Variants in ZHX2 observed in about 807,000 individuals in gnomAD.
ZHX2 encodes zinc fingers and homeoboxes protein 2.
ZHX2 carries 6 observed loss-of-function variants against 21.9 expected under a neutral mutation model. The ratio of observed to expected loss-of-function variants is 0.27; its 90% CI spans 0.15 to 0.54. The LOEUF is 0.54. Among genes scored for constraint, ZHX2 ranks in the 20% least tolerant of loss-of-function variants. The pLI is 0.95. For synonymous variants in ZHX2, 434 were observed against 437.1 expected, an observed-to-expected ratio of 0.99 and a Z score of 0.09; for missense variants, 908 against 1,090.7, an observed-to-expected ratio of 0.83 and a Z score of 2.36.
chr8:122,858,182 C>T (rs563187096), intron 1 of ZHX2, among the ~76,000 whole-genome samples: 1 of 152,330 alleles, frequency 6.6e-6, no homozygotes, highest in South Asian at 2.1e-4. Flanking sequence ...GGGTTGGCTT[C>T]TCTGTCTCTC....
chr8:122,792,338 T>A (rs1817532917), intron 1 of ZHX2, among the ~76,000 whole-genome samples: 1 of 152,276 alleles, frequency 6.6e-6, no homozygotes, highest in South Asian at 2.1e-4. Flanking sequence ...TATCCTGTTG[T>A]GTGGATATAC....
chr8:122,841,518 TACATACAGGGC>T (rs936004904), intron 1 of ZHX2, among the ~76,000 whole-genome samples: 1 of 151,212 alleles, frequency 6.6e-6, no homozygotes, highest in Non-Finnish European at 1.5e-5. Flanking sequence ...AGAGTTCTTG[TACATACAGGGC>T]ACTTGGAGGG....
intron 2 of ZHX2, among the ~76,000 whole-genome samples, chr8:122,863,983 G>C (rs553176851): frequency 6.6e-6 from 1 of 152,056 alleles, no homozygotes; most frequent in Admixed American, 6.6e-5. Context: ...TTGAAAAACT[G>C]TCATGAGCAG....
intron 2 of ZHX2, among the ~76,000 whole-genome samples, chr8:122,931,741 T>A (rs1460574349): frequency 6.6e-6 from 1 of 152,200 alleles, no homozygotes; most frequent in Non-Finnish European, 1.5e-5. Flanking sequence ...CTGATGTAAC[T>A]GGTCTAGGAT....
chr8:122,820,019 C>T (rs1287714355), intron 1 of ZHX2, among the ~76,000 whole-genome samples: 5 of 151,984 alleles, frequency 3.3e-5, no homozygotes, highest in Non-Finnish European at 7.4e-5. Flanking sequence ...CAGGGGTTGG[C>T]GAGACTGCCA....
chr8:122,843,582 T>C (rs1402686348), intron 1 of ZHX2, among the ~76,000 whole-genome samples: 2 of 152,226 alleles, frequency 1.3e-5, no homozygotes, highest in South Asian at 4.1e-4. Flanking sequence ...TTGTTGCATC[T>C]ATAGCATTCT....
chr8:122,840,490 C>T (rs1311844786), intron 1 of ZHX2, among the ~76,000 whole-genome samples: 3 of 152,168 alleles, frequency 2.0e-5, no homozygotes, highest in Non-Finnish European at 2.9e-5. Flanking sequence ...GAAGATTAAC[C>T]ATTGTGATGA....
At chr8:122,909,156 C>T (rs1339596530) in intron 2 of ZHX2, among the ~76,000 whole-genome samples, 16 of 152,210 alleles carry the variant, frequency 1.1e-4, no homozygotes, top group Admixed American at 6.5e-5. Context: ...GTGGGCCAGG[C>T]GCGTTGGCTC....
At chr8:122,874,845 C>G (rs1819525615) in intron 2 of ZHX2, among the ~76,000 whole-genome samples, 2 of 151,970 alleles carry the variant, frequency 1.3e-5, no homozygotes, top group African/African-American at 2.4e-5. Context: ...AATGGAGATA[C>G]TTTTCTACAT....
rs547211834 is a variant in ZHX2, at chr8:122,939,598, A to G, written c.-219-11694A>G. Among the ~76,000 whole-genome samples, 13 of 152,310 alleles carry G rather than the reference A, an allele frequency of 8.5e-5. No individual in the cohort carries two copies. In the South Asian group the frequency reaches 2.7e-3, roughly 32 times the overall value. On this transcript the variant is annotated intron_variant, in intron 2 of 3. Coordinates refer to ENST00000314393, the MANE Select transcript of ZHX2 (RefSeq NM_014943.5). ...ACAGGGAGACCAACTACCTCCTCCT[A>G]ACCAACTGGAAAGCAAAGAGATGCT... is the stretch of plus-strand genomic sequence containing the variant.
intron 2 of ZHX2, among the ~76,000 whole-genome samples, chr8:122,864,189 T>A (rs1028141056): frequency 2.4e-4 from 36 of 148,646 alleles, no homozygotes; most frequent in African/African-American, 9.0e-4. Flanking sequence ...TCCCTGGTGA[T>A]CTAGAATGCT....
intron 1 of ZHX2, among the ~76,000 whole-genome samples, chr8:122,857,675 T>C (rs573279300): frequency 3.9e-5 from 6 of 152,150 alleles, no homozygotes; most frequent in African/African-American, 1.4e-4. Context: ...TGAAGAGTCA[T>C]TGTGGGGAAG....
chr8:122,953,525 T>C lies in ZHX2; in HGVS notation c.2015T>C (p.Ile672Thr). The change falls in exon 3 of 4, where the codon ATT becomes ACT. Residue 672 changes from isoleucine (I) to threonine (T), a missense_variant. By Grantham distance (89) the Ile-to-Thr change is moderately conservative. Around this residue, in one of 4 missense-constraint regions of ZHX2, gnomAD observed 431 missense variants for 428.6 expected, o/e 1.01. Coordinates refer to ENST00000314393, the MANE Select transcript of ZHX2 (RefSeq NM_014943.5). The surrounding 1 kb of genome is among the most constrained non-coding windows in gnomAD (Gnocchi z 4.6). ...AAKTGLVRTE[I>T]VRWFKENRCL... ...AAGACTGGCCTGGTCCGAACTGAGA[T>C]TGTGCGTTGGTTCAAGGAGAACAGA... is the stretch of plus-strand genomic sequence containing the variant. 9 of 1,614,140 alleles carry C rather than the reference T, an allele frequency of 5.6e-6. No homozygotes were observed. Among genetic ancestry groups the C allele is most frequent in the Non-Finnish European group, 7.6e-6 (9 of 1,180,036 alleles).
chr8:122,837,700 C>T (rs1818534461), intron 1 of ZHX2, among the ~76,000 whole-genome samples: 1 of 152,112 alleles, frequency 6.6e-6, no homozygotes, highest in Non-Finnish European at 1.5e-5. Context: ...CATTTCAGTC[C>T]CTTGGGGTGG....
chr8:122,796,807 A>G (rs1817621289), intron 1 of ZHX2, among the ~76,000 whole-genome samples: 1 of 152,180 alleles, frequency 6.6e-6, no homozygotes, highest in South Asian at 2.1e-4. Context: ...TAGTGACAAG[A>G]CAAAGAAGAG....
chr8:122,801,610 G>A (rs1817721868), intron 1 of ZHX2, among the ~76,000 whole-genome samples: 1 of 151,050 alleles, frequency 6.6e-6, no homozygotes, highest in Admixed American at 6.6e-5. Flanking sequence ...AAATTGCCAG[G>A]CTTGGTAGCA....
intron 1 of ZHX2, among the ~76,000 whole-genome samples, chr8:122,795,069 T>C (rs564529697): frequency 6.6e-6 from 1 of 152,350 alleles, no homozygotes; most frequent in Admixed American, 6.5e-5. Flanking sequence ...AGCACAGGGC[T>C]GGCCCACTTC....
chr8:122,833,972 G>T (rs1818442870), intron 1 of ZHX2, among the ~76,000 whole-genome samples: 1 of 150,768 alleles, frequency 6.6e-6, no homozygotes, highest in African/African-American at 2.4e-5. Flanking sequence ...ACTCCAGCCT[G>T]GGCGACAGAG....
rs1333088114 is a variant in ZHX2 at position 122,781,832 on chromosome 8, G to C, written c.-397G>C. On this transcript the variant is annotated 5_prime_UTR_variant, in exon 1 of 4. Coordinates refer to ENST00000314393, the MANE Select transcript of ZHX2 (RefSeq NM_014943.5). The surrounding 1 kb of genome is among the most constrained non-coding windows in gnomAD (Gnocchi z 4.6). ...CTTTCCCACGGAGCCCGAGCCGGGCGCCCGGTGGGGAGTGGGGAGTGGGTG... is the reference window on the plus strand; with the variant it reads ...CTTTCCCACGGAGCCCGAGCCGGGCCCCCGGTGGGGAGTGGGGAGTGGGTG... 6 of 152,256 alleles carry C rather than the reference G, an allele frequency of 3.9e-5. No homozygotes were observed. The highest frequency in any genetic ancestry group is 5.9e-5 in the Non-Finnish European group (4 of 68,016). The allele number at this position is 152,256 out of a possible 1,614,324, so 9.4% of individuals were successfully genotyped here. A position where few individuals can be genotyped will look rare whatever the true frequency, so the allele number is the denominator to read the frequency against.
Sources: gnomAD v4.1 joint callset for allele counts (sites outside exome capture counted in the v4.1 genomes callset) on GRCh38, gnomAD v4.1.1 for gene constraint, gnomAD v4.1.1 regional missense constraint, Gnocchi (gnomAD v3.1) non-coding constraint, MANE v1.5 for transcripts, NCBI Gene and HGNC (gene_info 2026-07-23, HGNC 2026-07-21) for gene names.